Variants in LPP observed in about 807,000 individuals in gnomAD.
LPP encodes the protein lipoma-preferred partner.
LPP carries 38 observed loss-of-function variants against 60.4 expected under a neutral mutation model. The observed-to-expected ratio is 0.63, with a 90% CI of 0.49 to 0.83. The LOEUF is 0.83. Ranked by LOEUF, LPP falls within the 40% of genes least tolerant of loss-of-function variation. The probability of loss-of-function intolerance (pLI) is 0.00; values close to 1 mark genes in which losing one functional copy is unlikely to be tolerated. For missense variants in LPP, 902 were observed against 783.6 expected (o/e 1.15, Z -1.80); for synonymous variants, 328 against 290.8 (o/e 1.13, Z -1.30).
intron 2 of LPP, among the ~76,000 whole-genome samples, chr3:188,267,340 C>T (rs572092878): frequency 1.3e-5 from 2 of 152,274 alleles, no homozygotes; most frequent in Admixed American, 1.3e-4. Context: ...TGAGGAATCT[C>T]TGTTAGTTCA....
intron 9 of LPP, among the ~76,000 whole-genome samples, chr3:188,812,772 TCC>T (rs1751380529): frequency 1.8e-5 from 2 of 111,374 alleles, no homozygotes; most frequent in Non-Finnish European, 3.5e-5. Flanking sequence ...TCTCTCACTC[TCC>T]CTCTCTCTCT....
chr3:188,579,505 A>G (rs1835544499), intron 6 of LPP, among the ~76,000 whole-genome samples: 1 of 152,272 alleles, frequency 6.6e-6, no homozygotes, highest in Admixed American at 6.5e-5. Context: ...CAGAAAGATC[A>G]TACATGTTCA....
At chr3:188,337,366 C>T (rs1265015822) in intron 2 of LPP, among the ~76,000 whole-genome samples, 1 of 152,208 alleles carries the variant, frequency 6.6e-6, no homozygotes, top group East Asian at 1.9e-4. Flanking sequence ...GGTCCCTCAG[C>T]TGGGACTTGG....
intron 2 of LPP, among the ~76,000 whole-genome samples, chr3:188,287,851 A>G (rs757214506): frequency 1.8e-4 from 28 of 152,204 alleles, no homozygotes; most frequent in Admixed American, 4.6e-4. Flanking sequence ...TTAAGATGCC[A>G]TATTCATAAA....
At chr3:188,200,040 TC>T (rs1730636737) in intron 1 of LPP, among the ~76,000 whole-genome samples, 1 of 152,102 alleles carries the variant, frequency 6.6e-6, no homozygotes, top group Non-Finnish European at 1.5e-5. Context: ...TATTTTTTGT[TC>T]CTTCACAGAG....
At chr3:188,516,531 T>C (rs1419119597) in intron 5 of LPP, among the ~76,000 whole-genome samples, 23 of 151,968 alleles carry the variant, frequency 1.5e-4, no homozygotes, top group Admixed American at 1.4e-3. Context: ...ACCATATATA[T>C]GACATAATAT....
In LPP at chr3:188,600,322, C is replaced by T. The variant is rs529380226; in HGVS notation, c.430-8839C>T. The stretch of plus-strand genomic sequence containing the variant: ...GAGTGAAAAAGTAATATGTGGTAGA[C>T]ACTTAGCAAAATAGGAAAAGTATAT... On this transcript the variant is annotated intron_variant, in intron 6 of 11. Transcript: ENST00000617246. Among the ~76,000 whole-genome samples the T allele has an allele frequency of 1.2e-4, 18 of 149,766 alleles. No individual in the cohort carries two copies. The South Asian group carries it at 3.6e-3, about 30-fold the overall frequency.
intron 1 of LPP, among the ~76,000 whole-genome samples, chr3:188,220,764 C>A (rs940900347): frequency 2.0e-5 from 3 of 152,066 alleles, no homozygotes; most frequent in African/African-American, 7.2e-5. Flanking sequence ...CTTTCCTGGG[C>A]CTTCCAGTGG....
chr3:188,244,276 T>C (rs1014521583), intron 2 of LPP, among the ~76,000 whole-genome samples: 2 of 152,124 alleles, frequency 1.3e-5, no homozygotes, highest in African/African-American at 2.4e-5. Flanking sequence ...ATCGTTGAGG[T>C]GGGAACTTCT....
In LPP at chr3:188,185,301, G is replaced by A. The variant is rs1418983217; in HGVS notation, c.-190+31049G>A. Among the ~76,000 whole-genome samples the A allele has an allele frequency of 2.0e-5, 3 of 152,018 alleles. No individual in the cohort carries two copies. In the South Asian group the frequency reaches 6.2e-4, roughly 31 times the overall value. On this transcript the variant is annotated intron_variant, in intron 1 of 11. Coordinates refer to ENST00000617246, the MANE Select transcript of LPP (RefSeq NM_001375462.1). Reference sequence around the variant, plus strand: ...GGGGGGAATATTCTTACCCTGTAGGGCACAGGTTGCAGGGAAGGAGAGAAT... The same window carrying A: ...GGGGGGAATATTCTTACCCTGTAGGACACAGGTTGCAGGGAAGGAGAGAAT...
intron 5 of LPP, among the ~76,000 whole-genome samples, chr3:188,494,836 A>G: frequency 6.6e-6 from 1 of 151,794 alleles, no homozygotes; most frequent in East Asian, 2.0e-4. Flanking sequence ...TCCTCTGTAA[A>G]ATGGGTGATT....
intron 6 of LPP, among the ~76,000 whole-genome samples, chr3:188,596,998 A>G (rs1000095049): frequency 6.6e-6 from 1 of 152,148 alleles, no homozygotes; most frequent in Non-Finnish European, 1.5e-5. Context: ...ATACACTGAG[A>G]TCCACTTTGT....
intron 9 of LPP, among the ~76,000 whole-genome samples, chr3:188,820,801 T>C (rs992940986): frequency 1.3e-5 from 2 of 152,158 alleles, no homozygotes. Context: ...CTTCACTGAG[T>C]TCACCACCGA....
chr3:188,700,751 T>C (rs1417945781), intron 7 of LPP, among the ~76,000 whole-genome samples: 1 of 152,200 alleles, frequency 6.6e-6, no homozygotes, highest in Non-Finnish European at 1.5e-5. Flanking sequence ...AGTCCTCTCA[T>C]AAATGGAAAT....
At chr3:188,810,437 T>C (rs1302934148) in intron 9 of LPP, among the ~76,000 whole-genome samples, 2 of 151,862 alleles carry the variant, frequency 1.3e-5, no homozygotes, top group African/African-American at 4.8e-5. Flanking sequence ...AATAGTCATG[T>C]AGAGACTATT....
At chr3:188,617,277 C>G (rs1447679523) in intron 7 of LPP, among the ~76,000 whole-genome samples, 4 of 152,164 alleles carry the variant, frequency 2.6e-5, no homozygotes, top group African/African-American at 9.7e-5. Context: ...TGAAGAGTTA[C>G]AGTGACTTTC....
chr3:188,401,914 C>T (rs892085247), intron 3 of LPP, among the ~76,000 whole-genome samples: 13 of 152,198 alleles, frequency 8.5e-5, no homozygotes, highest in African/African-American at 3.1e-4. Flanking sequence ...TGCTTATGAT[C>T]TAAATTGATG....
intron 7 of LPP, among the ~76,000 whole-genome samples, chr3:188,645,919 T>C (rs1463132680): frequency 3.3e-5 from 5 of 152,076 alleles, no homozygotes; most frequent in Admixed American, 6.6e-5. Flanking sequence ...TAGGTAAAAG[T>C]AGAATTCTGA....
At position 188,702,343 on chromosome 3, in the gene LPP, T is replaced by C. The variant is rs545756705; in HGVS notation, c.1114-5924T>C. On this transcript the variant is annotated intron_variant, in intron 7 of 11. Coordinates refer to ENST00000617246, the MANE Select transcript of LPP (RefSeq NM_001375462.1). ...TCTTTCTTTTCTTCTTCTTCTTCTTTTTTTTTTTTTTCCGGCTGTTGTACG... is the reference window on the plus strand; with the variant it reads ...TCTTTCTTTTCTTCTTCTTCTTCTTCTTTTTTTTTTTCCGGCTGTTGTACG... 7.5e-3 allele frequency among the ~76,000 whole-genome samples: 1,125 copies of C among 150,976 alleles called. 9 individuals are homozygous for C. The highest frequency in any genetic ancestry group is 0.014 in the Middle Eastern group (4 of 288).
Sources: allele counts gnomAD v4.1 joint callset (sites outside exome capture counted in the v4.1 genomes callset), GRCh38; gene constraint gnomAD v4.1.1; transcripts MANE v1.5; gene names NCBI Gene and HGNC (gene_info 2026-07-23, HGNC 2026-07-21).